The following RBMS1 variants were observed in gnomAD, a reference collection of about 807,000 sequenced individuals.
RBMS1 encodes RNA binding motif single stranded interacting protein 1, also known as RNA-binding motif, single-stranded-interacting protein 1.
In RBMS1, 17 loss-of-function variants were observed where a neutral mutation model predicts 62.3. That is an observed-to-expected ratio of 0.27 (90% CI 0.19 to 0.41). RBMS1 has a LOEUF of 0.41. Among genes scored for constraint, RBMS1 ranks in the 10% least tolerant of loss-of-function variants. The probability of loss-of-function intolerance (pLI) is 1.00; values close to 1 mark genes in which losing one functional copy is unlikely to be tolerated. For synonymous variants in RBMS1, 172 were observed against 170.0 expected (o/e 1.01, Z -0.09); for missense variants, 334 against 504.5 (o/e 0.66, Z 3.24).
At chr2:160,474,581 C>T (rs1328100375) in intron 1 of RBMS1, among the ~76,000 whole-genome samples, 1 of 152,146 alleles carries the variant, frequency 6.6e-6, no homozygotes, top group African/African-American at 2.4e-5. Context: ...GTATTCAACG[C>T]CACTGAATTG....
intron 1 of RBMS1, among the ~76,000 whole-genome samples, chr2:160,481,486 ACTAT>A (rs1685370066): frequency 6.6e-6 from 1 of 152,080 alleles, no homozygotes; most frequent in Non-Finnish European, 1.5e-5. Context: ...ATTTATTAAA[ACTAT>A]CAATCAGAGA....
chr2:160,356,879 GACA>G (rs1375712523), intron 2 of RBMS1, among the ~76,000 whole-genome samples: 3 of 152,110 alleles, frequency 2.0e-5, no homozygotes, highest in African/African-American at 7.2e-5. Context: ...GTTATCGGGA[GACA>G]ACAAGCATTA....
chr2:160,433,004 G>A (rs1682961138), intron 1 of RBMS1, among the ~76,000 whole-genome samples: 1 of 152,128 alleles, frequency 6.6e-6, no homozygotes, highest in Non-Finnish European at 1.5e-5. Context: ...GTTGGATCCA[G>A]CAAGCTGAGT....
chr2:160,345,814 G>T (rs1026134866), intron 2 of RBMS1, among the ~76,000 whole-genome samples: 4 of 152,126 alleles, frequency 2.6e-5, no homozygotes, highest in Non-Finnish European at 5.9e-5. Flanking sequence ...CACTTCAGAA[G>T]TGGGTGGTGA....
chr2:160,286,811 A>G (rs1010580078), intron 7 of RBMS1, among the ~76,000 whole-genome samples, 158 bp downstream of exon 7: 1 of 152,204 alleles, frequency 6.6e-6, no homozygotes, highest in African/African-American at 2.4e-5. Context: ...TTAATTTGGC[A>G]TCACTTGAAT....
intron 1 of RBMS1, among the ~76,000 whole-genome samples, chr2:160,448,174 C>G (rs1317876274): frequency 6.6e-6 from 1 of 152,026 alleles, no homozygotes; most frequent in Non-Finnish European, 1.5e-5. Flanking sequence ...AATATCAGCT[C>G]TAATATATTT....
chr2:160,465,865 TACAC>T (rs72005445), intron 1 of RBMS1, among the ~76,000 whole-genome samples: 102 of 146,698 alleles, frequency 7.0e-4, no homozygotes, highest in Middle Eastern at 3.6e-3. Flanking sequence ...CACACACACA[TACAC>T]ACACACACAC....
intron 1 of RBMS1, among the ~76,000 whole-genome samples, chr2:160,445,996 C>CAA (rs564694189): frequency 2.8e-5 from 4 of 143,604 alleles, no homozygotes; most frequent in African/African-American, 1.0e-4. Flanking sequence ...CCATCAGCTC[C>CAA]AAAAAAAAAA....
chr2:160,405,482 C>T (rs983390485), intron 1 of RBMS1, among the ~76,000 whole-genome samples: 1 of 152,154 alleles, frequency 6.6e-6, no homozygotes, highest in African/African-American at 2.4e-5. Context: ...CACAAAGTCA[C>T]TCATGGTAAC....
intron 1 of RBMS1, among the ~76,000 whole-genome samples, chr2:160,491,154 T>A (rs2105370072): frequency 6.6e-6 from 1 of 152,196 alleles, no homozygotes; most frequent in Non-Finnish European, 1.5e-5. Flanking sequence ...TTACCTAAAA[T>A]TTGCATCTAG....
chr2:160,455,741 T>C (rs1289235604), intron 1 of RBMS1, among the ~76,000 whole-genome samples: 1 of 145,184 alleles, frequency 6.9e-6, no homozygotes, highest in East Asian at 2.0e-4. Context: ...TGGAGTGCAG[T>C]GGCGCGATCT....
At chr2:160,484,264 G>C (rs10176582) in intron 1 of RBMS1, among the ~76,000 whole-genome samples, 2 of 151,752 alleles carry the variant, frequency 1.3e-5, no homozygotes, top group African/African-American at 4.8e-5. Context: ...GGGAGGCCGA[G>C]GCGGGCAGAT....
At chr2:160,299,436 T>A (rs1458135998) in intron 6 of RBMS1, among the ~76,000 whole-genome samples, 4 of 152,132 alleles carry the variant, frequency 2.6e-5, no homozygotes, top group Non-Finnish European at 5.9e-5. Flanking sequence ...TTTGCACGTT[T>A]CCCCCCATTT....
At chr2:160,492,976 G>A (rs1207474015) in intron 1 of RBMS1, 2 of 296,708 alleles carry the variant, frequency 6.7e-6, no homozygotes, top group East Asian at 6.2e-5. Context: ...GCCAGCCAGG[G>A]CTCGGCGAGG....
chr2:160,481,488 TATCA>T lies in RBMS1; in HGVS notation c.75+11797_75+11800del, dbSNP rs542740956. 3.0e-3 allele frequency among the ~76,000 whole-genome samples: 463 copies of T among 152,094 alleles called. 4 individuals are homozygous for T. The highest frequency in any genetic ancestry group is 0.011 in the African/African-American group (442 of 41,512). On this transcript the variant is annotated intron_variant, in intron 1 of 13. Coordinates refer to ENST00000348849, the MANE Select transcript of RBMS1 (RefSeq NM_016836.4). ...ATTAAGAACTTATATTTATTAAAAC[TATCA>T]ATCAGAGAGTAAAAAGGAAAACTGA... is the stretch of plus-strand genomic sequence containing the variant.
intron 1 of RBMS1, among the ~76,000 whole-genome samples, chr2:160,407,215 G>A (rs1034094672): frequency 2.0e-5 from 3 of 152,124 alleles, no homozygotes; most frequent in African/African-American, 7.2e-5. Context: ...GCGCGCTTCT[G>A]CCCTCGCCGG....
At chr2:160,315,001 G>A (rs933496490) in intron 3 of RBMS1, among the ~76,000 whole-genome samples, 2 of 152,120 alleles carry the variant, frequency 1.3e-5, no homozygotes, top group South Asian at 4.1e-4. Flanking sequence ...AGCTTTTACT[G>A]ATGGATATTT....
intron 1 of RBMS1, among the ~76,000 whole-genome samples, chr2:160,387,728 C>G (rs1030296972): frequency 1.3e-5 from 2 of 152,096 alleles, no homozygotes; most frequent in African/African-American, 4.8e-5. Context: ...ACAGCCTCCC[C>G]CACAAAACAC....
intron 1 of RBMS1, among the ~76,000 whole-genome samples, chr2:160,456,771 C>T (rs1408475863): frequency 2.0e-5 from 3 of 152,130 alleles, no homozygotes; most frequent in Non-Finnish European, 4.4e-5. Flanking sequence ...AGCAATGTGA[C>T]CTCCCCTTCT....
Sources: allele counts gnomAD v4.1 joint callset (sites outside exome capture counted in the v4.1 genomes callset), GRCh38; gene constraint gnomAD v4.1.1; transcripts MANE v1.5; gene names NCBI Gene and HGNC (gene_info 2026-07-23, HGNC 2026-07-21).